TNS1: variants seen among roughly 807,000 people sequenced by gnomAD.
The protein encoded by TNS1 is tensin-1.
TNS1 carries 62 observed loss-of-function variants against 168.6 expected under a neutral mutation model. The ratio of observed to expected loss-of-function variants is 0.37; its 90% CI spans 0.30 to 0.45. The LOEUF is 0.45. Ranked by LOEUF, TNS1 falls within the 20% of genes least tolerant of loss-of-function variation. TNS1 has a pLI of 1.00. For synonymous variants in TNS1, 934 were observed against 933.2 expected (o/e 1.00, Z -0.02); for missense variants, 2,240 against 2,339.4 (o/e 0.96, Z 0.88).
chr2:217,904,644 T>C (rs192350422), intron 6 of TNS1, among the ~76,000 whole-genome samples: 35 of 152,250 alleles, frequency 2.3e-4, no homozygotes, highest in African/African-American at 8.2e-4. Flanking sequence ...ACCAATACTT[T>C]CTTCTAAAAA....
At chr2:217,918,356 G>A (rs972710692) in intron 4 of TNS1, among the ~76,000 whole-genome samples, 4 of 152,192 alleles carry the variant, frequency 2.6e-5, no homozygotes, top group African/African-American at 7.2e-5. Context: ...TGGGGAGGCG[G>A]GTTGTGACTC....
At chr2:218,004,557 A>C (rs1313498229), upstream of TNS1, among the ~76,000 whole-genome samples, 2 of 152,224 alleles carry the variant, frequency 1.3e-5, no homozygotes, top group Non-Finnish European at 2.9e-5. Flanking sequence ...TCATCTGAAA[A>C]AAAGACTGCA....
chr2:217,877,615 C>T (rs771238573), intron 18 of TNS1, among the ~76,000 whole-genome samples: 3 of 152,196 alleles, frequency 2.0e-5, no homozygotes, highest in Non-Finnish European at 2.9e-5. Flanking sequence ...CAACAGAATT[C>T]GGGAGAGGGC....
At chr2:217,821,603 G>T (rs1942859120) in intron 23 of TNS1, 137 bp downstream of exon 23, 2 of 843,020 alleles carry the variant, frequency 2.4e-6, no homozygotes, top group Non-Finnish European at 3.4e-6. Flanking sequence ...TGATGAACTG[G>T]TTTGCAAGGT....
chr2:217,830,422 C>G, intron 22 of TNS1: 1 of 1,611,926 alleles, frequency 6.2e-7, no homozygotes, highest in Middle Eastern at 1.7e-4. Flanking sequence ...ACCCCAATAG[C>G]CCCCACCCAG....
chr2:217,898,048 C>T (rs1952512559), intron 7 of TNS1, 79 bp from the exon 8 acceptor site: 6 of 1,463,252 alleles, frequency 4.1e-6, no homozygotes, highest in South Asian at 2.9e-5. Flanking sequence ...GCACCCCATA[C>T]ACACCCTGTG....
At chr2:217,909,571 CCACACACA>C (rs3054350) in intron 4 of TNS1, among the ~76,000 whole-genome samples, 6 of 147,190 alleles carry the variant, frequency 4.1e-5, no homozygotes, top group East Asian at 2.0e-4. Context: ...GCCTGGGTGC[CCACACACA>C]CACACACACA....
At chr2:217,900,090 T>C (rs78153727) in intron 7 of TNS1, among the ~76,000 whole-genome samples, 6,315 of 152,116 alleles carry the variant, frequency 0.042, 407 homozygotes, top group African/African-American at 0.14. Context: ...GCCTCAATGC[T>C]CATCAGCCCT....
chr2:217,947,596 G>T (rs997284355), intron 3 of TNS1, among the ~76,000 whole-genome samples: 1 of 152,194 alleles, frequency 6.6e-6, no homozygotes, highest in Non-Finnish European at 1.5e-5. Context: ...GCAATGAATT[G>T]TGTGTGTCGG....
chr2:217,882,952 C>T (rs1484157696), intron 16 of TNS1, among the ~76,000 whole-genome samples: 3 of 152,202 alleles, frequency 2.0e-5, no homozygotes, highest in Middle Eastern at 3.4e-3. Context: ...CAAGCCACCA[C>T]GCCCGGCTCA....
chr2:217,811,440 A>G (rs1249265568), intron 28 of TNS1, among the ~76,000 whole-genome samples: 1 of 152,180 alleles, frequency 6.6e-6, no homozygotes, highest in Non-Finnish European at 1.5e-5. Context: ...ACTGAATTGG[A>G]TAAGTAGAAA....
chr2:217,944,932 G>A (rs1301103178), intron 3 of TNS1, among the ~76,000 whole-genome samples: 2 of 152,224 alleles, frequency 1.3e-5, no homozygotes, highest in African/African-American at 2.4e-5. Flanking sequence ...TATTTAGAAA[G>A]GAAGGGGAAA....
intron 19 of TNS1, among the ~76,000 whole-genome samples, chr2:217,845,279 C>T (rs1489932899): frequency 1.3e-5 from 2 of 152,190 alleles, no homozygotes; most frequent in African/African-American, 2.4e-5. Flanking sequence ...CTAGGTTACT[C>T]ATGTCAAAGT....
intron 1 of TNS1, among the ~76,000 whole-genome samples, chr2:217,994,811 A>G (rs1454470114): frequency 6.6e-6 from 1 of 152,238 alleles, no homozygotes; most frequent in African/African-American, 2.4e-5. Context: ...AGGCCTCTCT[A>G]AGCAGCCACA....
chr2:217,805,525 C>CACCACCA (rs1559132167), intron 32 of TNS1, among the ~76,000 whole-genome samples: 1 of 1,738 alleles, frequency 5.8e-4, no homozygotes, highest in Non-Finnish European at 1.2e-3. Flanking sequence ...ACCACACACA[C>CACCACCA]CACACACACC....
intron 3 of TNS1, among the ~76,000 whole-genome samples, chr2:217,935,324 C>G (rs1956548589): frequency 6.6e-6 from 1 of 152,272 alleles, no homozygotes; most frequent in Admixed American, 6.5e-5. Context: ...TCCGGAGGCT[C>G]TGGAGCTCAA....
chr2:217,900,752 G>C (rs770607296), intron 6 of TNS1: 1 of 554,116 alleles, frequency 1.8e-6, no homozygotes, highest in Non-Finnish European at 3.2e-6. Context: ...GAAGAATCCC[G>C]AATGCTGAGG....
intron 1 of TNS1, among the ~76,000 whole-genome samples, chr2:217,991,560 T>C (rs1575165250): frequency 6.6e-6 from 1 of 152,114 alleles, no homozygotes; most frequent in East Asian, 1.9e-4. Context: ...GATGGAATTA[T>C]CCAGTGCATA....
Position 217,961,146 on chromosome 2 carries a change from G to T in TNS1, c.186+17619C>A, listed in dbSNP as rs368669114. On this transcript the variant is annotated intron_variant, in intron 3 of 32. Transcript: ENST00000682258. ...AGCCTATAGAACTTCAGGGAGCTCT[G>T]TCCAGTTAGGGAGCCCTGCTCAGTG... 2.0e-4 allele frequency among the ~76,000 whole-genome samples: 31 copies of T among 151,962 alleles called. No homozygotes were observed. In the East Asian group the frequency reaches 3.3e-3, roughly 16 times the overall value.
Sources: gnomAD v4.1 joint callset for allele counts (sites outside exome capture counted in the v4.1 genomes callset) on GRCh38, gnomAD v4.1.1 for gene constraint, MANE v1.5 for transcripts, NCBI Gene and HGNC (gene_info 2026-07-23, HGNC 2026-07-21) for gene names.